DLC1: variants seen among roughly 807,000 people sequenced by gnomAD.
DLC1 encodes the protein rho GTPase-activating protein 7.
A neutral mutation model predicts 140.3 loss-of-function variants in DLC1; 54 were observed. The observed-to-expected ratio is 0.38, with a 90% CI of 0.31 to 0.48. DLC1 has a LOEUF of 0.48. DLC1 is among the 20% of genes least tolerant of loss of function. The pLI, the probability that DLC1 is intolerant of heterozygous loss-of-function variation, is 0.96. For synonymous variants in DLC1, 986 were observed against 728.1 expected (o/e 1.35, Z -5.70); for missense variants, 2,536 against 1,907.0 (o/e 1.33, Z -6.14).
intron 5 of DLC1, among the ~76,000 whole-genome samples, chr8:13,134,501 G>A (rs1458113381): frequency 2.0e-5 from 3 of 152,178 alleles, no homozygotes; most frequent in Non-Finnish European, 4.4e-5. Context: ...AAGCAGGGAG[G>A]TAATATTGGA....
intron 2 of DLC1, among the ~76,000 whole-genome samples, chr8:13,488,570 A>C (rs912328900): frequency 7.9e-5 from 12 of 152,204 alleles, no homozygotes; most frequent in Admixed American, 7.2e-4. Flanking sequence ...CCACAAGTGC[A>C]AAATCTAAAA....
At chr8:13,266,131 GA>G (rs200237981) in intron 5 of DLC1, among the ~76,000 whole-genome samples, 434 of 151,904 alleles carry the variant, frequency 2.9e-3, no homozygotes, top group African/African-American at 8.9e-3. Flanking sequence ...AAAAAAGGAA[GA>G]AAAAAAATAC....
chr8:13,173,397 G>C (rs1238402209), intron 5 of DLC1, among the ~76,000 whole-genome samples: 1 of 135,662 alleles, frequency 7.4e-6, no homozygotes, highest in Non-Finnish European at 1.5e-5. Flanking sequence ...TTTTGAGACG[G>C]AGTCTTGCTC....
chr8:13,164,724 T>C (rs1371139692), intron 5 of DLC1, among the ~76,000 whole-genome samples: 2 of 152,206 alleles, frequency 1.3e-5, no homozygotes, highest in East Asian at 1.9e-4. Flanking sequence ...GTCATAATTA[T>C]ATTTTACTTC....
At chr8:13,235,474 T>G (rs1829233693) in intron 5 of DLC1, among the ~76,000 whole-genome samples, 1 of 152,092 alleles carries the variant, frequency 6.6e-6, no homozygotes, top group Admixed American at 6.5e-5. Flanking sequence ...TTTAGCAGAA[T>G]GACAACTTTC....
intron 4 of DLC1, among the ~76,000 whole-genome samples, chr8:13,310,431 A>G (rs1388273893): frequency 2.0e-5 from 3 of 152,214 alleles, no homozygotes; most frequent in Non-Finnish European, 4.4e-5. Flanking sequence ...TTGCAGATAA[A>G]TTCCAAAATA....
At position 13,226,141 on chromosome 8, in the gene DLC1, T is replaced by G. The variant is rs774665197; in HGVS notation, c.1348+79128A>C. On this transcript the variant is annotated intron_variant, in intron 5 of 17. Coordinates refer to ENST00000276297, the MANE Select transcript of DLC1 (RefSeq NM_182643.3). ...GTTGCCCAGGCTAGTCTTGAACTTCTGAGCTCAAACAATCCTCCCACCTTG... is the reference window on the plus strand; with the variant it reads ...GTTGCCCAGGCTAGTCTTGAACTTCGGAGCTCAAACAATCCTCCCACCTTG... Among the ~76,000 whole-genome samples the G allele has an allele frequency of 8.5e-5, 13 of 152,178 alleles. 1 individual carries two copies. Among genetic ancestry groups the G allele is most frequent in the Non-Finnish European group, 1.5e-4 (10 of 68,034 alleles).
chr8:13,411,291 A>C (rs1227345186), intron 2 of DLC1, among the ~76,000 whole-genome samples: 4 of 152,192 alleles, frequency 2.6e-5, no homozygotes, highest in Non-Finnish European at 5.9e-5. Flanking sequence ...GCATATTACT[A>C]AGTGAAAGAA....
Position 13,586,229 on chromosome 8 carries a change from C to T in DLC1, c.-126+18308G>A, listed in dbSNP as rs184713245. Among the ~76,000 whole-genome samples the T allele has an allele frequency of 1.5e-3, 231 of 152,134 alleles. 7 individuals are homozygous for T. The South Asian group carries it at 0.047, about 31-fold the overall frequency. On this transcript the variant is annotated intron_variant, in intron 1 of 1. Coordinates refer to the DLC1 transcript ENST00000631382. ...TGTTTTAAGGTGGTAAGGCTTGAGG[C>T]AGGAAGGGCAATTTGGATATGGTTT...
chr8:13,335,395 G>C (rs1337767786), intron 4 of DLC1, among the ~76,000 whole-genome samples: 2 of 152,150 alleles, frequency 1.3e-5, no homozygotes, highest in Non-Finnish European at 2.9e-5. Context: ...AGGACATGCT[G>C]ATCAACACTT....
intron 4 of DLC1, among the ~76,000 whole-genome samples, chr8:13,344,971 G>A (rs17091944): frequency 0.31 from 47,179 of 151,972 alleles, 7,851 homozygotes; most frequent in South Asian, 0.51. Flanking sequence ...AAAGGGGAAC[G>A]ATAAAAACAA....
chr8:13,517,519 T>C (rs1258038042), upstream of DLC1, among the ~76,000 whole-genome samples: 2 of 152,188 alleles, frequency 1.3e-5, no homozygotes, highest in Non-Finnish European at 2.9e-5. Flanking sequence ...TCCAAACAAA[T>C]CTCAGATCTT....
At chr8:13,301,698 ATC>A (rs1255528860) in intron 5 of DLC1, among the ~76,000 whole-genome samples, 1 of 152,174 alleles carries the variant, frequency 6.6e-6, no homozygotes, top group African/African-American at 2.4e-5. Flanking sequence ...CCGGTCTGTG[ATC>A]TGTTAGGAAC....
In DLC1 at chr8:13,084,437, T is replaced by A. The variant is rs930287026; in HGVS notation, c.*1374A>T. The A allele has an allele frequency of 1.3e-5, 2 of 152,586 alleles. No individual in the cohort carries two copies. The highest frequency in any genetic ancestry group is 6.6e-5 in the Admixed American group (1 of 15,258). 9.5% of individuals were successfully genotyped at this position (152,586 alleles called of 1,614,324 possible). A position where few individuals can be genotyped will look rare whatever the true frequency, so the allele number is the denominator to read the frequency against. ...TTTGATCCATACACAATAAATTTAC[T>A]AATACTGTCTCTTGAGTCAATCCTT... On this transcript the variant is annotated 3_prime_UTR_variant, in exon 18 of 18. Transcript: ENST00000276297.
At chr8:13,526,505 A>G (rs1024980826) in intron 1 of DLC1, among the ~76,000 whole-genome samples, 3 of 152,078 alleles carry the variant, frequency 2.0e-5, no homozygotes, top group African/African-American at 7.2e-5. Context: ...TACTGTAAGA[A>G]TATTGTATAT....
chr8:13,471,177 G>T (rs1563376179), intron 2 of DLC1, among the ~76,000 whole-genome samples: 1 of 152,062 alleles, frequency 6.6e-6, no homozygotes, highest in Admixed American at 6.6e-5. Flanking sequence ...CACTGATCAA[G>T]GGGTACAAAG....
intron 5 of DLC1, among the ~76,000 whole-genome samples, chr8:13,196,265 A>G (rs1827049129): frequency 6.6e-6 from 1 of 152,202 alleles, no homozygotes; most frequent in African/African-American, 2.4e-5. Context: ...AAATGATAAT[A>G]CAAGTATGCT....
intron 2 of DLC1, among the ~76,000 whole-genome samples, chr8:13,427,242 C>T (rs568852992): frequency 6.6e-6 from 1 of 152,278 alleles, no homozygotes; most frequent in African/African-American, 2.4e-5. Flanking sequence ...CAATGCATTG[C>T]CCCATGCCTC....
At chr8:13,477,210 GAAA>G (rs35223127) in intron 2 of DLC1, among the ~76,000 whole-genome samples, 91 of 151,488 alleles carry the variant, frequency 6.0e-4, no homozygotes, top group African/African-American at 2.1e-3. Context: ...CAAACAAGAT[GAAA>G]AAAAAAATAC....
Sources: gnomAD v4.1 joint callset for allele counts (sites outside exome capture counted in the v4.1 genomes callset) on GRCh38, gnomAD v4.1.1 for gene constraint, MANE v1.5 for transcripts, NCBI Gene and HGNC (gene_info 2026-07-23, HGNC 2026-07-21) for gene names.